CADM2: variants seen among roughly 807,000 people sequenced by gnomAD.
The protein encoded by CADM2 is cell adhesion molecule 2.
CADM2 carries 12 observed loss-of-function variants against 49.8 expected under a neutral mutation model. The ratio of observed to expected loss-of-function variants is 0.24; its 90% CI spans 0.15 to 0.39. The LOEUF (loss-of-function observed/expected upper bound fraction) is 0.39. CADM2 is among the 10% of genes least tolerant of loss of function. The pLI is 1.00. For missense variants in CADM2, 378 were observed against 492.3 expected (o/e 0.77, Z 2.20); for synonymous variants, 214 against 175.4 (o/e 1.22, Z -1.74).
At chr3:85,031,575 C>T (rs532925608) in intron 1 of CADM2, among the ~76,000 whole-genome samples, 7 of 152,060 alleles carry the variant, frequency 4.6e-5, no homozygotes, top group East Asian at 1.9e-4. Context: ...AGTGCAGTGG[C>T]GCGATCTCGG....
chr3:85,849,789 T>C (rs999133304), intron 3 of CADM2, among the ~76,000 whole-genome samples: 5 of 152,192 alleles, frequency 3.3e-5, no homozygotes, highest in African/African-American at 1.2e-4. Flanking sequence ...GTAGGATGTG[T>C]TCAAATTTAG....
At chr3:85,965,113 G>A (rs1725307963) in intron 8 of CADM2, among the ~76,000 whole-genome samples, 1 of 151,364 alleles carries the variant, frequency 6.6e-6, no homozygotes, top group South Asian at 2.1e-4. Flanking sequence ...TGGAATATAA[G>A]CTAAGCATTT....
chr3:86,018,666 A>C (rs1433528122), intron 8 of CADM2, among the ~76,000 whole-genome samples: 9 of 152,140 alleles, frequency 5.9e-5, no homozygotes, highest in Admixed American at 4.6e-4. Context: ...TTGGCTGCAT[A>C]AATGTCTTCT....
At chr3:85,081,115 A>G (rs2037146871) in intron 1 of CADM2, among the ~76,000 whole-genome samples, 1 of 152,254 alleles carries the variant, frequency 6.6e-6, no homozygotes, top group Middle Eastern at 3.4e-3. Context: ...ATGAAAAATT[A>G]CAATTCAATA....
At chr3:85,116,822 A>C (rs1196017257) in intron 1 of CADM2, among the ~76,000 whole-genome samples, 1 of 152,132 alleles carries the variant, frequency 6.6e-6, no homozygotes, top group Non-Finnish European at 1.5e-5. Flanking sequence ...AATGGTATAA[A>C]AAAATCATGT....
intron 1 of CADM2, among the ~76,000 whole-genome samples, chr3:85,147,040 A>T (rs2039766160): frequency 6.6e-6 from 1 of 152,088 alleles, no homozygotes; most frequent in Non-Finnish European, 1.5e-5. Context: ...TGGGAGGCCG[A>T]CACGGGCGGA....
chr3:86,018,467 T>G (rs1281095018), intron 8 of CADM2, among the ~76,000 whole-genome samples: 1 of 151,928 alleles, frequency 6.6e-6, no homozygotes, highest in Non-Finnish European at 1.5e-5. Flanking sequence ...ACTTCCACAA[T>G]GGTTTAACTA....
At chr3:85,226,552 A>C (rs1204778006) in intron 1 of CADM2, among the ~76,000 whole-genome samples, 3 of 149,804 alleles carry the variant, frequency 2.0e-5, no homozygotes, top group Admixed American at 1.3e-4. Flanking sequence ...TATTTTGTTG[A>C]TCTTTTCCAA....
chr3:85,087,477 A>AG (rs1354030709), intron 1 of CADM2, among the ~76,000 whole-genome samples: 3 of 152,194 alleles, frequency 2.0e-5, no homozygotes, highest in Non-Finnish European at 4.4e-5. Flanking sequence ...TTAATCTTCC[A>AG]GGATTACCCT....
intron 1 of CADM2, among the ~76,000 whole-genome samples, chr3:85,409,712 GA>G (rs779447319): frequency 1.3e-5 from 2 of 152,032 alleles, no homozygotes; most frequent in Non-Finnish European, 2.9e-5. Flanking sequence ...GATTAAAGAT[GA>G]TAAAGTCACT....
chr3:85,468,153 CAAAAAAAAAA>C (rs57721920), intron 1 of CADM2, among the ~76,000 whole-genome samples: 3 of 55,336 alleles, frequency 5.4e-5, no homozygotes, highest in African/African-American at 2.7e-4. Flanking sequence ...GACTCCGTCT[CAAAAAAAAAA>C]AAAAAAAAAA....
intron 1 of CADM2, among the ~76,000 whole-genome samples, chr3:85,012,818 A>G (rs1200607660): frequency 6.6e-6 from 1 of 151,674 alleles, no homozygotes; most frequent in African/African-American, 2.4e-5. Flanking sequence ...TCCTAGTATC[A>G]TAGTATCATT....
chr3:85,946,503 A>G (rs560377617), intron 7 of CADM2, among the ~76,000 whole-genome samples: 386 of 152,308 alleles, frequency 2.5e-3, no homozygotes, highest in Non-Finnish European at 4.7e-3. Context: ...TGGAGGCATC[A>G]TGCTACTTGA....
intron 1 of CADM2, among the ~76,000 whole-genome samples, chr3:85,626,660 A>G (rs993060747): frequency 2.0e-5 from 3 of 152,100 alleles, no homozygotes; most frequent in Non-Finnish European, 4.4e-5. Context: ...AAAAATAGCA[A>G]TTATTAACTC....
At chr3:85,302,964 A>G (rs1252264350) in intron 1 of CADM2, among the ~76,000 whole-genome samples, 2 of 152,032 alleles carry the variant, frequency 1.3e-5, no homozygotes, top group South Asian at 2.1e-4. Context: ...TTATAACAAT[A>G]TGGAACTTAG....
chr3:85,243,282 T>C (rs766000854), intron 1 of CADM2, among the ~76,000 whole-genome samples: 1 of 151,970 alleles, frequency 6.6e-6, no homozygotes, highest in Non-Finnish European at 1.5e-5. Flanking sequence ...TTTTCTAGCA[T>C]TCTAAGTATC....
intron 7 of CADM2, among the ~76,000 whole-genome samples, chr3:85,947,244 T>C (rs1373755235): frequency 6.6e-6 from 1 of 151,610 alleles, no homozygotes; most frequent in African/African-American, 2.4e-5. Flanking sequence ...GAGTATGTCT[T>C]TCTTATTAAA....
intron 1 of CADM2, among the ~76,000 whole-genome samples, chr3:85,726,110 TGGAAGTG>T (rs1470708875): frequency 6.6e-6 from 1 of 152,070 alleles, no homozygotes; most frequent in Non-Finnish European, 1.5e-5. Context: ...ACTCAAATGA[TGGAAGTG>T]GCCTGCTTTT....
chr3:85,467,945 G>C (rs181557836), intron 1 of CADM2, among the ~76,000 whole-genome samples: 1 of 152,056 alleles, frequency 6.6e-6, no homozygotes, highest in East Asian at 1.9e-4. Flanking sequence ...ACGAGGTCAG[G>C]AGATCGAGAC....
Sources: gnomAD v4.1 joint callset for allele counts (sites outside exome capture counted in the v4.1 genomes callset) on GRCh38, gnomAD v4.1.1 for gene constraint, MANE v1.5 for transcripts, NCBI Gene and HGNC (gene_info 2026-07-23, HGNC 2026-07-21) for gene names.